SEPTIN9: variants seen among roughly 807,000 people sequenced by gnomAD.
SEPTIN9 encodes septin-9.
SEPTIN9 carries 13 observed loss-of-function variants against 56.6 expected under a neutral mutation model. That is an observed-to-expected ratio of 0.23 (90% CI 0.15 to 0.37). SEPTIN9 has a LOEUF of 0.37. Among genes scored for constraint, SEPTIN9 ranks in the 10% least tolerant of loss-of-function variants. The pLI, the probability that SEPTIN9 is intolerant of heterozygous loss-of-function variation, is 1.00. For synonymous variants in SEPTIN9, 332 were observed against 334.1 expected, an observed-to-expected ratio of 0.99 and a Z score of 0.07; for missense variants, 650 against 823.1, an observed-to-expected ratio of 0.79 and a Z score of 2.57.
chr17:77,305,440 C>T (rs1256361697), intron 1 of SEPTIN9, among the ~76,000 whole-genome samples: 2 of 152,154 alleles, frequency 1.3e-5, no homozygotes, highest in East Asian at 3.9e-4. Context: ...CCCTGCTCAG[C>T]GTCCTCCGGT....
chr17:77,336,657 T>C (rs2033562478), intron 2 of SEPTIN9, among the ~76,000 whole-genome samples: 1 of 152,184 alleles, frequency 6.6e-6, no homozygotes, highest in African/African-American at 2.4e-5. Flanking sequence ...GTTTTGTAGG[T>C]CTTTTAGGAT....
chr17:77,459,516 A>G (rs1328402409), intron 3 of SEPTIN9, among the ~76,000 whole-genome samples: 2 of 152,050 alleles, frequency 1.3e-5, no homozygotes, highest in Non-Finnish European at 2.9e-5. Flanking sequence ...AGAAACTAAT[A>G]CATTGTGTTC....
chr17:77,302,044 G>C (rs1471758976), intron 1 of SEPTIN9, among the ~76,000 whole-genome samples: 1 of 152,192 alleles, frequency 6.6e-6, no homozygotes, highest in Non-Finnish European at 1.5e-5. Context: ...GAGAAGGCGG[G>C]TGTGGTGGGT....
intron 2 of SEPTIN9, among the ~76,000 whole-genome samples, chr17:77,349,062 C>A (rs2411122): frequency 0.14 from 20,913 of 151,994 alleles, 1,843 homozygotes; most frequent in South Asian, 0.23. Flanking sequence ...CACTTATCTG[C>A]AAATCTTTAT....
chr17:77,454,224 C>T, intron 3 of SEPTIN9: 3 of 985,544 alleles, frequency 3.0e-6, no homozygotes, highest in Non-Finnish European at 3.6e-6. Context: ...CTGGAGGCTC[C>T]CAGCGTCCCA....
intron 3 of SEPTIN9, among the ~76,000 whole-genome samples, chr17:77,457,060 G>A (rs922370179): frequency 2.0e-5 from 3 of 152,188 alleles, no homozygotes; most frequent in African/African-American, 7.2e-5. Flanking sequence ...TTGAATTCTG[G>A]AATCAGACAC....
intron 3 of SEPTIN9, among the ~76,000 whole-genome samples, chr17:77,444,256 G>C (rs966827173): frequency 1.3e-5 from 2 of 152,186 alleles, no homozygotes; most frequent in African/African-American, 4.8e-5. Context: ...AAGCTGTTTG[G>C]GAAAAGGAGT....
chr17:77,418,693 C>T lies in SEPTIN9; in HGVS notation c.721+15990C>T, dbSNP rs74858240. On this transcript the variant is annotated intron_variant, in intron 3 of 11. Transcript: ENST00000427177. ...AAGGCCGTGAGGATGTCCACGCCTC[C>T]TCCTTTCCTCACGGCCCATTGATGT... 0.014 allele frequency among the ~76,000 whole-genome samples: 2,139 copies of T among 152,284 alleles called. 100 individuals are homozygous for T. The East Asian group carries it at 0.17, about 12-fold the overall frequency.
intron 3 of SEPTIN9, chr17:77,454,170 A>G: frequency 1.3e-5 from 13 of 985,568 alleles, no homozygotes; most frequent in Non-Finnish European, 1.6e-5. Context: ...AACACAGAGC[A>G]TCGATACCAC....
intron 2 of SEPTIN9, among the ~76,000 whole-genome samples, chr17:77,364,126 G>A (rs1366033901): frequency 6.6e-6 from 1 of 152,196 alleles, no homozygotes; most frequent in African/African-American, 2.4e-5. Flanking sequence ...GACACTCAGG[G>A]TGGGGAAGAT....
intron 3 of SEPTIN9, chr17:77,442,122 G>C (rs2037567990): frequency 6.6e-6 from 1 of 152,182 alleles, no homozygotes; most frequent in Non-Finnish European, 1.5e-5. Flanking sequence ...TGGTCCGAAG[G>C]TAGTGAGTTA....
chr17:77,290,831 A>G (rs1010471900), intron 1 of SEPTIN9, among the ~76,000 whole-genome samples: 4 of 150,194 alleles, frequency 2.7e-5, no homozygotes, highest in Non-Finnish European at 5.9e-5. Flanking sequence ...AAATAAATAA[A>G]TAAATAAATA....
intron 3 of SEPTIN9, among the ~76,000 whole-genome samples, chr17:77,473,123 A>G (rs1047953150): frequency 6.6e-6 from 1 of 152,236 alleles, no homozygotes; most frequent in Non-Finnish European, 1.5e-5. Context: ...GCAAACAGCA[A>G]CTTGTTCTCA....
chr17:77,359,471 C>T (rs2034349663), intron 2 of SEPTIN9, among the ~76,000 whole-genome samples: 1 of 152,248 alleles, frequency 6.6e-6, no homozygotes, highest in Non-Finnish European at 1.5e-5. Context: ...GCTCTTTCAT[C>T]CTGGAGCTGG....
intron 2 of SEPTIN9, among the ~76,000 whole-genome samples, chr17:77,384,842 A>AACAC (rs146495461): frequency 0.024 from 3,380 of 142,200 alleles, 57 homozygotes; most frequent in East Asian, 0.067. Context: ...AACCTGTTTA[A>AACAC]ACACACACAC....
At chr17:77,411,702 C>T (rs987298493) in intron 3 of SEPTIN9, among the ~76,000 whole-genome samples, 1 of 152,194 alleles carries the variant, frequency 6.6e-6, no homozygotes, top group Non-Finnish European at 1.5e-5. Context: ...TCAGCTGTCC[C>T]ATGGCCCTGC....
chr17:77,308,459 G>A (rs1396967616), intron 2 of SEPTIN9, among the ~76,000 whole-genome samples: 1 of 152,198 alleles, frequency 6.6e-6, no homozygotes, highest in African/African-American at 2.4e-5. Context: ...TGTGATGGTG[G>A]GTCTGTTCTA....
intron 1 of SEPTIN9, among the ~76,000 whole-genome samples, chr17:77,295,677 C>T (rs545269161): frequency 8.5e-5 from 13 of 152,242 alleles, no homozygotes; most frequent in African/African-American, 2.9e-4. Flanking sequence ...ACAGGATGTG[C>T]AAACAGGAGC....
At chr17:77,390,006 G>A (rs1427777272) in intron 2 of SEPTIN9, among the ~76,000 whole-genome samples, 5 of 152,146 alleles carry the variant, frequency 3.3e-5, no homozygotes, top group African/African-American at 1.2e-4. Flanking sequence ...CGGAACCAGG[G>A]GCACGCGGTA....
Sources: gnomAD v4.1 joint callset for allele counts (sites outside exome capture counted in the v4.1 genomes callset) on GRCh38, gnomAD v4.1.1 for gene constraint, MANE v1.5 for transcripts, NCBI Gene and HGNC (gene_info 2026-07-23, HGNC 2026-07-21) for gene names.